STARD9: variants seen among roughly 807,000 people sequenced by gnomAD.
STARD9 encodes StAR related lipid transfer domain containing 9.
Under a neutral mutation model 399.8 loss-of-function variants are expected in STARD9, and 346 were observed. That is an observed-to-expected ratio of 0.87 (90% CI 0.79 to 0.95). The LOEUF is 0.95. Ranked by LOEUF, STARD9 falls within the 40% of genes least tolerant of loss-of-function variation. The pLI, the probability that STARD9 is intolerant of heterozygous loss-of-function variation, is 0.00. For missense variants in STARD9, 5,832 were observed against 5,667.5 expected (o/e 1.03, Z -0.93); for synonymous variants, 2,203 against 2,143.5 (o/e 1.03, Z -0.77).
intron 7 of STARD9, among the ~76,000 whole-genome samples, chr15:42,639,625 G>C (rs957294191): frequency 1.3e-5 from 2 of 152,182 alleles, no homozygotes; most frequent in Admixed American, 6.5e-5. Flanking sequence ...GCTTTGGGAG[G>C]CTGAGATTGG....
intron 3 of STARD9, among the ~76,000 whole-genome samples, chr15:42,599,010 G>A (rs1054927568): frequency 2.6e-5 from 4 of 151,974 alleles, no homozygotes; most frequent in East Asian, 3.9e-4. Context: ...TGCAACCTCC[G>A]CCTCCCAGGT....
At chr15:42,620,944 G>C (rs1330861160) in intron 3 of STARD9, among the ~76,000 whole-genome samples, 1 of 151,868 alleles carries the variant, frequency 6.6e-6, no homozygotes, top group Non-Finnish European at 1.5e-5. Flanking sequence ...AGTAGAGATG[G>C]GGTTTCACCA....
chr15:42,608,542 T>G (rs1334042949), intron 3 of STARD9, among the ~76,000 whole-genome samples: 2 of 152,170 alleles, frequency 1.3e-5, no homozygotes, highest in Non-Finnish European at 2.9e-5. Flanking sequence ...GCAGCCTGAT[T>G]GCAGGAAAAG....
chr15:42,683,545 C>T (rs1388455876), intron 22 of STARD9, among the ~76,000 whole-genome samples: 2 of 152,110 alleles, frequency 1.3e-5, no homozygotes, highest in Non-Finnish European at 2.9e-5. Context: ...AAAACCTAGG[C>T]CATATTCAAA....
chr15:42,674,588 A>G (rs1203886393), intron 17 of STARD9, 97 bp downstream of exon 17: 2 of 1,293,922 alleles, frequency 1.5e-6, no homozygotes, highest in Non-Finnish European at 1.1e-6. Context: ...GAAGAAGGGA[A>G]TCATTGGCGT....
intron 3 of STARD9, among the ~76,000 whole-genome samples, chr15:42,590,723 G>A (rs370162964): frequency 6.6e-6 from 1 of 152,354 alleles, no homozygotes; most frequent in East Asian, 1.9e-4. Flanking sequence ...GCATCCAGTT[G>A]TAACAGAAGG....
At chr15:42,618,472 T>C (rs184293516) in intron 3 of STARD9, among the ~76,000 whole-genome samples, 139 of 152,336 alleles carry the variant, frequency 9.1e-4, no homozygotes, top group African/African-American at 3.2e-3. Context: ...TTAATTTATA[T>C]TGGGCTAGAT....
chr15:42,604,833 A>G (rs2058698099), intron 3 of STARD9, among the ~76,000 whole-genome samples: 1 of 151,782 alleles, frequency 6.6e-6, no homozygotes, highest in South Asian at 2.1e-4. Flanking sequence ...TGTAGAAACA[A>G]GGTCTCACTA....
chr15:42,634,852 A>T lies in STARD9; in HGVS notation c.235-4A>T. 1 of 1,492,908 alleles carries T rather than the reference A, an allele frequency of 6.7e-7. No homozygotes were observed. The highest frequency in any genetic ancestry group is 9.0e-7 in the Non-Finnish European group (1 of 1,109,748). 92.5% of individuals were successfully genotyped at this position (1,492,908 alleles called of 1,614,324 possible). ...TGATATTTCCTCTGCTTTTGTTGTT[A>T]CAGGTTTTCCAGGATTTAGGGATGG... On this transcript the variant is annotated splice_polypyrimidine_tract_variant and splice_region_variant and intron_variant, in intron 3 of 32. Coordinates refer to ENST00000290607, the MANE Select transcript of STARD9 (RefSeq NM_020759.3).
At chr15:42,641,686 C>T (rs2059541563) in intron 7 of STARD9, among the ~76,000 whole-genome samples, 1 of 152,006 alleles carries the variant, frequency 6.6e-6, no homozygotes, top group Non-Finnish European at 1.5e-5. Context: ...CTCACCACAG[C>T]CTCCACCTCC....
At chr15:42,614,305 CAA>C (rs542999101) in intron 3 of STARD9, among the ~76,000 whole-genome samples, 2 of 107,666 alleles carry the variant, frequency 1.9e-5, no homozygotes, top group African/African-American at 3.4e-5. Context: ...GCGAGACTGT[CAA>C]AAAAAAAAAA....
At chr15:42,649,603 A>T (rs1182662915) in intron 7 of STARD9, among the ~76,000 whole-genome samples, 3 of 150,624 alleles carry the variant, frequency 2.0e-5, no homozygotes, top group African/African-American at 7.3e-5. Context: ...CTTATCGCCC[A>T]GGCTGGGGTG....
At chr15:42,633,026 C>G (rs940077947) in intron 3 of STARD9, among the ~76,000 whole-genome samples, 2 of 151,482 alleles carry the variant, frequency 1.3e-5, no homozygotes, top group African/African-American at 4.9e-5. Context: ...ACCTGTAGTT[C>G]CAGCTGCTGG....
intron 26 of STARD9, among the ~76,000 whole-genome samples, chr15:42,711,593 C>T (rs1292340280): frequency 6.6e-6 from 1 of 152,178 alleles, no homozygotes; most frequent in Non-Finnish European, 1.5e-5. Flanking sequence ...AACATATTTT[C>T]AGTGGAGACA....
intron 3 of STARD9, among the ~76,000 whole-genome samples, chr15:42,592,623 G>A (rs748637218): frequency 2.0e-4 from 31 of 151,586 alleles, no homozygotes; most frequent in African/African-American, 3.9e-4. Context: ...TTTTGTATTT[G>A]TAGTAGAGAC....
intron 22 of STARD9, among the ~76,000 whole-genome samples, chr15:42,683,315 G>T (rs540721584): frequency 4.0e-4 from 61 of 152,264 alleles, no homozygotes; most frequent in Admixed American, 2.9e-3. Context: ...ATGCCAAGTT[G>T]GAAGAATAGT....
At chr15:42,592,631 G>C (rs1358075535) in intron 3 of STARD9, among the ~76,000 whole-genome samples, 1 of 152,028 alleles carries the variant, frequency 6.6e-6, no homozygotes, top group Admixed American at 6.6e-5. Context: ...TTGTAGTAGA[G>C]ACGGGTTTCT....
At chr15:42,648,904 A>G (rs1416449679) in intron 7 of STARD9, among the ~76,000 whole-genome samples, 1 of 151,792 alleles carries the variant, frequency 6.6e-6, no homozygotes, top group Admixed American at 6.6e-5. Context: ...TATTTAATTA[A>G]TTAATTTATT....
chr15:42,604,904 A>G (rs1385967651), intron 3 of STARD9, among the ~76,000 whole-genome samples: 1 of 152,048 alleles, frequency 6.6e-6, no homozygotes, highest in Non-Finnish European at 1.5e-5. Context: ...CAGCCTCCCA[A>G]AGTGCTGGGA....
Sources: allele counts gnomAD v4.1 joint callset (sites outside exome capture counted in the v4.1 genomes callset), GRCh38; gene constraint gnomAD v4.1.1; transcripts MANE v1.5; gene names NCBI Gene and HGNC (gene_info 2026-07-23, HGNC 2026-07-21).